The following ACO1 variants were observed in gnomAD, a reference collection of about 807,000 sequenced individuals.
ACO1 encodes the protein cytoplasmic aconitate hydratase.
In ACO1, 78 loss-of-function variants were observed where a neutral mutation model predicts 105.1. The ratio of observed to expected loss-of-function variants is 0.74; its 90% CI spans 0.62 to 0.90. The LOEUF (loss-of-function observed/expected upper bound fraction) is 0.90. Ranked by LOEUF, ACO1 falls within the 40% of genes least tolerant of loss-of-function variation. The pLI, the probability that ACO1 is intolerant of heterozygous loss-of-function variation, is 0.00. For synonymous variants in ACO1, 364 were observed against 397.4 expected (o/e 0.92, Z 1.00); for missense variants, 965 against 1,111.1 (o/e 0.87, Z 1.87).
At chr9:32,396,508 G>T (rs77223191) in intron 1 of ACO1, among the ~76,000 whole-genome samples, 2 of 152,014 alleles carry the variant, frequency 1.3e-5, no homozygotes, top group Admixed American at 1.3e-4. Context: ...GGTCTCCTTG[G>T]CCTTCCTTAG....
At chr9:32,432,135 A>G (rs59414801) in intron 15 of ACO1, among the ~76,000 whole-genome samples, 10,539 of 152,120 alleles carry the variant, frequency 0.069, 471 homozygotes, top group East Asian at 0.25. Context: ...TCGGACACCC[A>G]GGGGTGTGTG....
chr9:32,408,672 C>T (rs1207236857), intron 4 of ACO1, 21 bp downstream of exon 4: 15 of 1,612,690 alleles, frequency 9.3e-6, no homozygotes, highest in Non-Finnish European at 8.5e-7. Context: ...AAAACGAATA[C>T]CTGAGTGTTC....
chr9:32,406,514 T>TTA (rs1182106005), intron 2 of ACO1, among the ~76,000 whole-genome samples: 1 of 152,110 alleles, frequency 6.6e-6, no homozygotes, highest in Non-Finnish European at 1.5e-5. Flanking sequence ...TCCCTGGTAT[T>TTA]TAGGAGGCTG....
At chr9:32,416,393 C>G (rs1214641118) in intron 4 of ACO1, among the ~76,000 whole-genome samples, 1 of 152,040 alleles carries the variant, frequency 6.6e-6, no homozygotes, top group African/African-American at 2.4e-5. Flanking sequence ...GTGCCCGGCT[C>G]CAGATGTGTT....
In ACO1 at chr9:32,451,935, G is replaced by A. The variant is rs914761042; in HGVS notation, c.*1824G>A. ...AAAAATTAGCCAGGTGTGGTATTGT[G>A]TGCCTGTAATCCCAGCTACACAGGA... On this transcript the variant is annotated 3_prime_UTR_variant, in exon 21 of 21. Coordinates refer to ENST00000309951, the MANE Select transcript of ACO1 (RefSeq NM_002197.3). The A allele has an allele frequency of 1.3e-5, 2 of 152,134 alleles. No individual in the cohort carries two copies. The highest frequency in any genetic ancestry group is 4.8e-5 in the African/African-American group (2 of 41,410). 9.4% of individuals were successfully genotyped at this position (152,134 alleles called of 1,614,324 possible).
In ACO1 at chr9:32,440,612, G is replaced by A. The variant is rs781228448; in HGVS notation, c.2370+25G>A. The A allele has an allele frequency of 3.1e-6, 5 of 1,611,062 alleles. No homozygotes were observed. In the South Asian group the frequency reaches 5.5e-5, roughly 18 times the overall value. ...GGTGAGTATGAAGTAGACATCCTAG[G>A]AGGCAGCTCCCCTCTGAACTGGGAG... is the stretch of plus-strand genomic sequence containing the variant. On this transcript the variant is annotated intron_variant, in intron 19 of 20. Coordinates refer to ENST00000309951, the MANE Select transcript of ACO1 (RefSeq NM_002197.3).
In ACO1 at chr9:32,450,304, C is replaced by A. The variant is rs190980250; in HGVS notation, c.*193C>A. 5.3e-3 allele frequency: 3,532 copies of A among 667,864 alleles called. 74 individuals are homozygous for A. The African/African-American group carries it at 0.065, about 12-fold the overall frequency. The allele number at this position is 667,864 out of a possible 1,614,324, so 41.4% of individuals were successfully genotyped here. On this transcript the variant is annotated 3_prime_UTR_variant, in exon 21 of 21. Coordinates refer to ENST00000309951, the MANE Select transcript of ACO1 (RefSeq NM_002197.3). Reference sequence around the variant, plus strand: ...TTCTACATTCTCTATTTTTGTTAATCATCTTCTCTTTTTCCAGAATTTGGA... The same window carrying A: ...TTCTACATTCTCTATTTTTGTTAATAATCTTCTCTTTTTCCAGAATTTGGA...
chr9:32,423,346 T>C lies in ACO1; in HGVS notation c.998T>C (p.Ile333Thr), dbSNP rs780850748. The C allele has an allele frequency of 6.3e-7, 1 of 1,596,172 alleles. No individual in the cohort carries two copies. Among genetic ancestry groups the C allele is most frequent in the Non-Finnish European group, 8.5e-7 (1 of 1,174,458 alleles). Residue 333 changes from isoleucine to threonine, a missense_variant, in exon 9 of 21, where the codon ATT becomes ACT. By Grantham distance (89) the Ile-to-Thr change is moderately conservative (BLOSUM62 -1). Coordinates refer to ENST00000309951, the MANE Select transcript of ACO1 (RefSeq NM_002197.3). ...TGRDEEKLKYIKKYLQAVGMF... is the reference protein window; with the variant it reads ...TGRDEEKLKYTKKYLQAVGMF... Reference sequence around the variant, plus strand: ...CGTGATGAAGAAAAATTAAAGTATATTAAAAAATATCTTCAGGCTGTAGGA... The same window carrying C: ...CGTGATGAAGAAAAATTAAAGTATACTAAAAAATATCTTCAGGCTGTAGGA...
At position 32,431,721 on chromosome 9, in the gene ACO1, G is replaced by T; in HGVS notation, c.1729G>T (p.Val577Leu). The change falls in exon 15 of 21, where the codon GTA (valine) becomes TTA (leucine). Residue 577 changes from valine (V) to leucine (L), a missense_variant and splice_region_variant. Transcript: ENST00000309951. ...ATTAATAAACATTTTTTCCCCAGGA[G>T]TAAATGCAAAGGGACAGCAGGTATT... ...RIDFEKEPLG[V>L]NAKGQQVFLK... 1.2e-6 allele frequency: 2 copies of T among 1,613,758 alleles called. No homozygotes were observed. Among genetic ancestry groups the T allele is most frequent in the Non-Finnish European group, 1.7e-6 (2 of 1,179,860 alleles).
At chr9:32,426,053 C>T in intron 11 of ACO1, 56 bp downstream of exon 11, 1 of 1,575,002 alleles carries the variant, frequency 6.3e-7, no homozygotes, top group Non-Finnish European at 8.7e-7. Context: ...TGGAAATAGC[C>T]CGAGACAGGG....
At chr9:32,436,201 A>G in intron 17 of ACO1, 49 bp from the exon 18 acceptor site, 2 of 1,612,108 alleles carry the variant, frequency 1.2e-6, no homozygotes, top group Non-Finnish European at 1.7e-6. Context: ...GCTAAGGTTA[A>G]TCTTTGCTTG....
chr9:32,431,658 T>C (rs992113932), intron 14 of ACO1, 61 bp from the exon 15 acceptor site: 30 of 1,588,726 alleles, frequency 1.9e-5, no homozygotes, highest in Non-Finnish European at 2.5e-5. Flanking sequence ...GGCTTGACTC[T>C]GTATAATCAT....
At chr9:32,406,283 A>G (rs1158650015) in intron 2 of ACO1, among the ~76,000 whole-genome samples, 2 of 118,692 alleles carry the variant, frequency 1.7e-5, no homozygotes, top group African/African-American at 3.3e-5. Flanking sequence ...CATAAGGACT[A>G]TTACTCTGTG....
rs78507119 is a variant in ACO1 at position 32,452,342 on chromosome 9, A to G, written c.*2231A>G. The G allele has an allele frequency of 0.05, 7,671 of 152,284 alleles. 344 individuals carry two copies. The highest frequency in any genetic ancestry group is 0.26 in the East Asian group (1,331 of 5,158). The allele number at this position is 152,284 out of a possible 1,614,324, so 9.4% of individuals were successfully genotyped here. A position where few individuals can be genotyped will look rare whatever the true frequency, so the allele number is the denominator to read the frequency against. On this transcript the variant is annotated 3_prime_UTR_variant, in exon 21 of 21. Transcript: ENST00000309951. ...TAGAAGCTGGGGCCTTTGGAAGGTG[A>G]TTAGATCATGAGGGTAGTGCCTTTT...
chr9:32,384,747 C>G lies in ACO1; in HGVS notation c.-23+12C>G, dbSNP rs1333452937. 1 of 387,026 alleles carries G rather than the reference C, an allele frequency of 2.6e-6. No individual in the cohort carries two copies. The highest frequency in any genetic ancestry group is 5.2e-6 in the Non-Finnish European group (1 of 191,064). 24.0% of individuals were successfully genotyped at this position (387,026 alleles called of 1,614,324 possible). On this transcript the variant is annotated intron_variant, in intron 1 of 20. Coordinates refer to ENST00000309951, the MANE Select transcript of ACO1 (RefSeq NM_002197.3). ...CCGTGCAGTCGGAGGTGAGTACCGA[C>G]GCGGCCCGACCCACGTCCCCAGGCG...
At chr9:32,384,958 A>G (rs1366958180) in intron 1 of ACO1, among the ~76,000 whole-genome samples, 1 of 152,234 alleles carries the variant, frequency 6.6e-6, no homozygotes, top group Non-Finnish European at 1.5e-5. Context: ...GAGAGAAACC[A>G]GGGATTGGAA....
Position 32,408,581 on chromosome 9 carries a change from G to A in ACO1, c.334G>A (p.Glu112Lys). 6.2e-7 allele frequency: 1 copy of A among 1,614,200 alleles called. No homozygotes were observed. Among genetic ancestry groups the A allele is most frequent in the Non-Finnish European group, 8.5e-7 (1 of 1,180,030 alleles). The change falls in exon 4 of 21, where the codon GAG becomes AAG. Residue 112 changes from glutamate to lysine, a missense_variant. By Grantham distance (56) the Glu-to-Lys change is moderately conservative. Transcript: ENST00000309951. ...TGTGAAAAAGTTAGGAGGAGATCCA[G>A]AGAAAATAAACCCTGTCTGCCCTGC... is the stretch of plus-strand genomic sequence containing the variant. ...DAVKKLGGDP[E>K]KINPVCPADL...
At position 32,407,400 on chromosome 9, in the gene ACO1, G is replaced by C; in HGVS notation, c.237G>C (p.Lys79Asn). The change falls in exon 3 of 21, where the codon AAG becomes AAC. Residue 79 changes from lysine (K) to asparagine (N), a missense_variant. Physicochemically the swap from Lys to Asn is moderately conservative, Grantham distance 94 (BLOSUM62 0). Transcript: ENST00000309951. Reference sequence around the variant, plus strand: ...ACAAGAACATAGAAGTGCCATTTAAGCCTGCTCGTGTCATCCTGCAGGACT... The same window carrying C: ...ACAAGAACATAGAAGTGCCATTTAACCCTGCTCGTGTCATCCTGCAGGACT... ...TQHKNIEVPF[K>N]PARVILQDFT... is the part of the protein sequence containing the mutation. 1 of 1,614,070 alleles carries C rather than the reference G, an allele frequency of 6.2e-7. No individual in the cohort carries two copies. Among genetic ancestry groups the C allele is most frequent in the Non-Finnish European group, 8.5e-7 (1 of 1,179,956 alleles).
In ACO1 at chr9:32,422,235, G is replaced by C. The variant is rs958830871; in HGVS notation, c.971-1084G>C. On this transcript the variant is annotated intron_variant, in intron 8 of 20. Coordinates refer to ENST00000309951, the MANE Select transcript of ACO1 (RefSeq NM_002197.3). The stretch of plus-strand genomic sequence containing the variant: ...TTCTTGGTAATCCAGTGCCAAATTT[G>C]TAACATCTATTAAATTGAAACAAAC... 2.6e-5 allele frequency among the ~76,000 whole-genome samples: 4 copies of C among 152,172 alleles called. No individual in the cohort carries two copies. In the East Asian group the frequency reaches 5.8e-4, roughly 22 times the overall value.
Sources: allele counts gnomAD v4.1 joint callset (sites outside exome capture counted in the v4.1 genomes callset), GRCh38; gene constraint gnomAD v4.1.1; transcripts MANE v1.5; gene names NCBI Gene and HGNC (gene_info 2026-07-23, HGNC 2026-07-21).